TM6SF1: variants seen among roughly 807,000 people sequenced by gnomAD.
The protein encoded by TM6SF1 is transmembrane 6 superfamily member 1.
A neutral mutation model predicts 47.1 loss-of-function variants in TM6SF1; 43 were observed. The observed-to-expected ratio is 0.91, with a 90% CI of 0.72 to 1.18. The LOEUF is 1.18. Among genes scored for constraint, TM6SF1 ranks in the 50% most tolerant of loss-of-function variants. The probability of loss-of-function intolerance (pLI) is 0.00; values close to 1 mark genes in which losing one functional copy is unlikely to be tolerated. For synonymous variants in TM6SF1, 177 were observed against 166.3 expected (o/e 1.06, Z -0.49); for missense variants, 390 against 449.0 (o/e 0.87, Z 1.19).
chr15:83,118,524 T>C (rs1306114648), intron 3 of TM6SF1, among the ~76,000 whole-genome samples: 1 of 152,202 alleles, frequency 6.6e-6, no homozygotes, highest in Non-Finnish European at 1.5e-5. Flanking sequence ...GGCATGGGTG[T>C]AGAAGCAGAA....
At chr15:83,118,508 G>C (rs552770187) in intron 3 of TM6SF1, among the ~76,000 whole-genome samples, 1 of 152,318 alleles carries the variant, frequency 6.6e-6, no homozygotes, top group South Asian at 2.1e-4. Flanking sequence ...GAAGGGACGT[G>C]GGCCTGGCAT....
chr15:83,126,652 C>T (rs1474876624), intron 7 of TM6SF1, 103 bp from the exon 8 acceptor site: 1 of 904,398 alleles, frequency 1.1e-6, no homozygotes, highest in Non-Finnish European at 1.7e-6. Flanking sequence ...TTTTGTTAAA[C>T]AGCAAAGCAG....
rs1486351649 is a variant in TM6SF1, at chr15:83,136,485, A to T, written c.926A>T (p.Gln309Leu). 6.3e-7 allele frequency: 1 copy of T among 1,576,502 alleles called. No individual in the cohort carries two copies. Among genetic ancestry groups the T allele is most frequent in the Non-Finnish European group, 8.6e-7 (1 of 1,168,636 alleles). Residue 309 changes from glutamine (Q) to leucine (L), a missense_variant, in exon 10 of 10, where the codon CAG (glutamine) becomes CTG (leucine). By Grantham distance (113) the Gln-to-Leu change is moderately radical. Coordinates refer to ENST00000322019, the MANE Select transcript of TM6SF1 (RefSeq NM_023003.5). ...LIHAGGLAQAQFSHIGASLHA... is the reference protein window; with the variant it reads ...LIHAGGLAQALFSHIGASLHA... Reference sequence around the variant, plus strand: ...TTTTTTTTTTAAATGCAACAGGCTCAGTTTTCTCACATTGGTGCATCTCTT... The same window carrying T: ...TTTTTTTTTTAAATGCAACAGGCTCTGTTTTCTCACATTGGTGCATCTCTT...
At chr15:83,136,230 A>G (rs1166241455) in intron 9 of TM6SF1, 1 of 329,578 alleles carries the variant, frequency 3.0e-6, no homozygotes. Context: ...CTGGCATGAT[A>G]AAACTACACT....
In TM6SF1 at chr15:83,136,474, G is replaced by A; in HGVS notation, c.922-7G>A. On this transcript the variant is annotated splice_region_variant and splice_polypyrimidine_tract_variant and intron_variant, in intron 9 of 9. Transcript: ENST00000322019. ...CTTACTCAATTTTTTTTTTTTAAATGCAACAGGCTCAGTTTTCTCACATTG... is the reference window on the plus strand; with the variant it reads ...CTTACTCAATTTTTTTTTTTTAAATACAACAGGCTCAGTTTTCTCACATTG... 6.4e-7 allele frequency: 1 copy of A among 1,563,160 alleles called. No homozygotes were observed. The highest frequency in any genetic ancestry group is 8.6e-7 in the Non-Finnish European group (1 of 1,160,954).
chr15:83,108,812 G>A (rs1004977069), intron 1 of TM6SF1, among the ~76,000 whole-genome samples: 3 of 152,212 alleles, frequency 2.0e-5, no homozygotes, highest in African/African-American at 7.2e-5. Context: ...CTCTCCAGCT[G>A]CCTGGCCGCC....
At chr15:83,116,651 G>C (rs55683536) in intron 3 of TM6SF1, among the ~76,000 whole-genome samples, 37,966 of 152,162 alleles carry the variant, frequency 0.25, 5,085 homozygotes, top group African/African-American at 0.34. Context: ...GGCTTGCAGG[G>C]AAGGGTCCGT....
At chr15:83,120,639 C>A (rs1308486621) in intron 4 of TM6SF1, among the ~76,000 whole-genome samples, 1 of 146,262 alleles carries the variant, frequency 6.8e-6, no homozygotes. Context: ...GGCACAATCT[C>A]AGCTCACTGC....
rs2036663781 is a variant in TM6SF1, at chr15:83,137,204, T to C, written c.*532T>C. 6.6e-6 allele frequency: 1 copy of C among 152,222 alleles called. No homozygotes were observed. The highest frequency in any genetic ancestry group is 6.5e-5 in the Admixed American group (1 of 15,276). The allele number at this position is 152,222 out of a possible 1,614,324, so 9.4% of individuals were successfully genotyped here. ...ATTATTTGCTGCTGTTTCAAGAAAATTACTTTTACTAAATTTTTTTGTGTG... is the reference window on the plus strand; with the variant it reads ...ATTATTTGCTGCTGTTTCAAGAAAACTACTTTTACTAAATTTTTTTGTGTG... On this transcript the variant is annotated 3_prime_UTR_variant, in exon 10 of 10. Transcript: ENST00000322019.
intron 1 of TM6SF1, among the ~76,000 whole-genome samples, chr15:83,109,712 G>T (rs929986463): frequency 6.6e-6 from 1 of 152,120 alleles, no homozygotes; most frequent in Admixed American, 6.5e-5. Context: ...GCCCCGCTGC[G>T]TGTTTCTCGG....
Position 83,136,542 on chromosome 15 carries a change from C to T in TM6SF1, c.983C>T (p.Pro328Leu). ...HARTAYVYRV[P>L]EEAKILFLAL... Reference sequence around the variant, plus strand: ...AGAACTGCTTATGTCTACAGAGTCCCTGAAGAAGCAAAAATCCTTTTTTTA... The same window carrying T: ...AGAACTGCTTATGTCTACAGAGTCCTTGAAGAAGCAAAAATCCTTTTTTTA... The change falls in exon 10 of 10, where the codon CCT becomes CTT. Residue 328 changes from proline (P) to leucine (L), a missense_variant. Transcript: ENST00000322019. The T allele has an allele frequency of 6.2e-7, 1 of 1,613,702 alleles. No individual in the cohort carries two copies. The highest frequency in any genetic ancestry group is 8.5e-7 in the Non-Finnish European group (1 of 1,179,866).
At chr15:83,112,442 G>C (rs2034271700) in intron 1 of TM6SF1, among the ~76,000 whole-genome samples, 1 of 152,172 alleles carries the variant, frequency 6.6e-6, no homozygotes, top group African/African-American at 2.4e-5. Context: ...CTGCTAGGGA[G>C]CAGGGGTTAG....
intron 9 of TM6SF1, chr15:83,128,710 CCT>C (rs2035986272): frequency 6.6e-6 from 1 of 152,176 alleles, no homozygotes; most frequent in Non-Finnish European, 1.5e-5. Context: ...CTCCCCACAA[CCT>C]CTCTTCCATT....
Position 83,107,783 on chromosome 15 carries a change from C to T in TM6SF1, c.92+11C>T, listed in dbSNP as rs1233467072. On this transcript the variant is annotated intron_variant, in intron 1 of 9. Transcript: ENST00000322019. The surrounding 1 kb of genome is among the most constrained non-coding windows in gnomAD (Gnocchi z 5.6). ...GGCGGCCCAGCATGAGTGAGTGAGC[C>T]GGCGCGGCGGGGGTCGCGCCGAGGG... 5.5e-5 allele frequency: 86 copies of T among 1,574,170 alleles called. No homozygotes were observed. The highest frequency in any genetic ancestry group is 7.2e-5 in the Non-Finnish European group (84 of 1,162,188).
At chr15:83,111,909 T>C (rs974046909) in intron 1 of TM6SF1, among the ~76,000 whole-genome samples, 1 of 152,316 alleles carries the variant, frequency 6.6e-6, no homozygotes, top group Middle Eastern at 3.4e-3. Context: ...GGGTGCAGAA[T>C]ACATTTTTTT....
At chr15:83,133,763 C>G (rs1462284663) in intron 9 of TM6SF1, 1 of 152,290 alleles carries the variant, frequency 6.6e-6, no homozygotes, top group East Asian at 1.9e-4. Flanking sequence ...ACCTGCAGCC[C>G]TTTATTAGCT....
chr15:83,122,097 G>A (rs1361714855), intron 5 of TM6SF1, 94 bp downstream of exon 5: 1 of 994,452 alleles, frequency 1.0e-6, no homozygotes, highest in Non-Finnish European at 1.5e-6. Context: ...ATAGAACCAA[G>A]TGATTCCAAG....
chr15:83,135,863 C>T (rs1271302026), intron 9 of TM6SF1: 3 of 152,140 alleles, frequency 2.0e-5, no homozygotes, highest in East Asian at 3.9e-4. Context: ...ATCTTACAAA[C>T]AACCCTTAAT....
chr15:83,134,058 C>T (rs1233188809), intron 9 of TM6SF1: 1 of 152,132 alleles, frequency 6.6e-6, no homozygotes, highest in African/African-American at 2.4e-5. Context: ...TACTAAAATA[C>T]ATACAAAACT....
Sources: allele counts gnomAD v4.1 joint callset (sites outside exome capture counted in the v4.1 genomes callset), GRCh38; gene constraint gnomAD v4.1.1; non-coding constraint Gnocchi (gnomAD v3.1); transcripts MANE v1.5; gene names NCBI Gene and HGNC (gene_info 2026-07-23, HGNC 2026-07-21).